AGBL1: variants seen among roughly 807,000 people sequenced by gnomAD.
AGBL1 encodes the protein AGBL carboxypeptidase 1.
In AGBL1, 130 loss-of-function variants were observed where a neutral mutation model predicts 118.9. That is an observed-to-expected ratio of 1.09 (90% CI 0.95 to 1.26). AGBL1 has a LOEUF of 1.26. Among genes scored for constraint, AGBL1 ranks in the 50% most tolerant of loss-of-function variants. The pLI, the probability that AGBL1 is intolerant of heterozygous loss-of-function variation, is 0.00. For synonymous variants in AGBL1, 555 were observed against 478.9 expected, an observed-to-expected ratio of 1.16 and a Z score of -2.08; for missense variants, 1,584 against 1,298.1, an observed-to-expected ratio of 1.22 and a Z score of -3.38.
At position 86,767,886 on chromosome 15, in the gene AGBL1, T is replaced by C. The variant is rs140704685; in HGVS notation, c.3158+93450T>C. ...CGAGAAGTCAAACAATCTTATGTTC[T>C]ATTCAAATGTGAAAATTTGCATAAC... On this transcript the variant is annotated intron_variant, in intron 22 of 22. Coordinates refer to ENST00000614907, the MANE Select transcript of AGBL1 (RefSeq NM_001386094.1). Among the ~76,000 whole-genome samples, 233 of 152,146 alleles carry C rather than the reference T, an allele frequency of 1.5e-3. 3 individuals are homozygous for C. The highest frequency in any genetic ancestry group is 5.4e-3 in the African/African-American group (223 of 41,562).
intron 22 of AGBL1, among the ~76,000 whole-genome samples, chr15:86,776,214 A>G (rs1289759398): frequency 6.6e-6 from 1 of 152,130 alleles, no homozygotes; most frequent in African/African-American, 2.4e-5. Flanking sequence ...TTACAGATCC[A>G]TTTTCTTTAC....
chr15:86,092,527 G>C (rs1174834299), intron 1 of AGBL1, among the ~76,000 whole-genome samples: 1 of 152,130 alleles, frequency 6.6e-6, no homozygotes, highest in African/African-American at 2.4e-5. Flanking sequence ...AAATGAGCTT[G>C]TAATGGATTG....
intron 22 of AGBL1, among the ~76,000 whole-genome samples, chr15:86,801,803 G>A (rs1431485702): frequency 6.6e-6 from 1 of 152,092 alleles, no homozygotes; most frequent in Non-Finnish European, 1.5e-5. Flanking sequence ...AGAAAAGCAA[G>A]TACTAGTAAA....
chr15:86,710,472 A>T (rs2086537143), intron 22 of AGBL1, among the ~76,000 whole-genome samples: 1 of 152,210 alleles, frequency 6.6e-6, no homozygotes, highest in African/African-American at 2.4e-5. Context: ...CTGATACTTA[A>T]GGCTCTGCTC....
intron 1 of AGBL1, among the ~76,000 whole-genome samples, chr15:86,096,414 A>G (rs1189950771): frequency 6.6e-6 from 1 of 152,176 alleles, no homozygotes; most frequent in Non-Finnish European, 1.5e-5. Flanking sequence ...TGATACAGTG[A>G]TATTTAATGC....
chr15:86,431,303 T>C (rs901083451), intron 18 of AGBL1, among the ~76,000 whole-genome samples: 3 of 152,348 alleles, frequency 2.0e-5, no homozygotes, highest in Admixed American at 2.0e-4. Flanking sequence ...CCCTACTTTC[T>C]TATAAGTAAA....
At chr15:86,766,471 C>G (rs1441248783) in intron 22 of AGBL1, among the ~76,000 whole-genome samples, 1 of 151,876 alleles carries the variant, frequency 6.6e-6, no homozygotes, top group Admixed American at 6.6e-5. Flanking sequence ...TCATTAAACT[C>G]ATTGATAATG....
intron 17 of AGBL1, among the ~76,000 whole-genome samples, chr15:86,321,651 C>T (rs890479746): frequency 4.6e-5 from 7 of 151,870 alleles, no homozygotes; most frequent in Non-Finnish European, 1.0e-4. Context: ...GTGGCGGATG[C>T]CTGTAATCCC....
At chr15:86,497,713 C>A (rs576141886) in intron 18 of AGBL1, among the ~76,000 whole-genome samples, 1 of 151,864 alleles carries the variant, frequency 6.6e-6, no homozygotes, top group South Asian at 2.1e-4. Flanking sequence ...GTTCCTAATG[C>A]AGACTTTCAA....
chr15:86,185,469 C>T (rs564652674), intron 5 of AGBL1, among the ~76,000 whole-genome samples: 189 of 152,086 alleles, frequency 1.2e-3, no homozygotes, highest in African/African-American at 3.2e-3. Context: ...ATGTTTATTG[C>T]GGCACTATTC....
At chr15:86,447,252 G>A (rs1400713564) in intron 18 of AGBL1, among the ~76,000 whole-genome samples, 1 of 152,200 alleles carries the variant, frequency 6.6e-6, no homozygotes, top group Non-Finnish European at 1.5e-5. Flanking sequence ...TCAGGCCAAT[G>A]GTAGAGAGTA....
intron 21 of AGBL1, among the ~76,000 whole-genome samples, chr15:86,660,244 G>T (rs543403066): frequency 1.3e-5 from 2 of 151,946 alleles, no homozygotes; most frequent in Admixed American, 6.6e-5. Context: ...ATTGACCGGG[G>T]CTTCATGCCT....
At chr15:86,879,768 T>C (rs547605963) in intron 22 of AGBL1, among the ~76,000 whole-genome samples, 1 of 152,196 alleles carries the variant, frequency 6.6e-6, no homozygotes, top group African/African-American at 2.4e-5. Context: ...TTAGCTCCGC[T>C]GCATGTTTGT....
intron 22 of AGBL1, among the ~76,000 whole-genome samples, chr15:86,847,306 A>G (rs2079333890): frequency 6.6e-6 from 1 of 152,178 alleles, no homozygotes; most frequent in African/African-American, 2.4e-5. Flanking sequence ...AATAAGGGTC[A>G]TACTTTCTTC....
chr15:86,121,477 C>A (rs575859856), intron 1 of AGBL1, among the ~76,000 whole-genome samples: 1 of 152,242 alleles, frequency 6.6e-6, no homozygotes, highest in South Asian at 2.1e-4. Flanking sequence ...GAGTTTCAAA[C>A]AGTGGTGCTT....
chr15:86,159,810 C>T (rs986699116), intron 5 of AGBL1, among the ~76,000 whole-genome samples: 1 of 151,580 alleles, frequency 6.6e-6, no homozygotes, highest in Non-Finnish European at 1.5e-5. Context: ...TGCATCTCAG[C>T]GTCAATCTTA....
rs2080317546 is a variant in AGBL1, at chr15:86,909,070, CAAG to C, written c.*1782_*1784del. On this transcript the variant is annotated 3_prime_UTR_variant, in exon 23 of 23. Transcript: ENST00000614907. ...ACTGCATCTGCATCCCAGGCAGTAG[CAAG>C]AAGAACACAAAAAGAAATGCCTGTT... The C allele has an allele frequency of 1.3e-5, 2 of 152,240 alleles. No homozygotes were observed. Among genetic ancestry groups the C allele is most frequent in the East Asian group, 1.9e-4 (1 of 5,176 alleles). The allele number at this position is 152,240 out of a possible 1,614,324, so 9.4% of individuals were successfully genotyped here. A position where few individuals can be genotyped will look rare whatever the true frequency, so the allele number is the denominator to read the frequency against.
intron 1 of AGBL1, among the ~76,000 whole-genome samples, chr15:86,094,830 C>A (rs1260607262): frequency 6.6e-6 from 1 of 152,114 alleles, no homozygotes; most frequent in Non-Finnish European, 1.5e-5. Flanking sequence ...TTCTGGATGC[C>A]ACCTGGGTAT....
intron 17 of AGBL1, among the ~76,000 whole-genome samples, chr15:86,345,231 A>G (rs2080518682): frequency 6.6e-6 from 1 of 151,432 alleles, no homozygotes; most frequent in African/African-American, 2.4e-5. Flanking sequence ...TTTTTTTTTA[A>G]TGGAAAGTAA....
Sources: allele counts gnomAD v4.1 joint callset (sites outside exome capture counted in the v4.1 genomes callset), GRCh38; gene constraint gnomAD v4.1.1; transcripts MANE v1.5; gene names NCBI Gene and HGNC (gene_info 2026-07-23, HGNC 2026-07-21).